CYP2A7: variants seen among roughly 807,000 people sequenced by gnomAD.
CYP2A7 encodes the protein cytochrome P450 2A7.
In CYP2A7, 36 loss-of-function variants were observed where a neutral mutation model predicts 42.0. The observed-to-expected ratio is 0.86, with a 90% confidence interval of 0.66 to 1.13. The LOEUF is 1.13. Among genes scored for constraint, CYP2A7 ranks in the 50% most tolerant of loss-of-function variants. The pLI, the probability that CYP2A7 is intolerant of heterozygous loss-of-function variation, is 0.00. For synonymous variants in CYP2A7, 260 were observed against 249.5 expected, an observed-to-expected ratio of 1.04 and a Z score of -0.40; for missense variants, 661 against 634.1, an observed-to-expected ratio of 1.04 and a Z score of -0.46.
Position 40,878,846 on chromosome 19 carries a change from C to T in CYP2A7, c.745G>A (p.Ala249Thr), listed in dbSNP as rs768781283. 1.2e-6 allele frequency: 2 copies of T among 1,611,978 alleles called. No individual in the cohort carries two copies. The highest frequency in any genetic ancestry group is 1.1e-5 in the South Asian group (1 of 90,982). ...KLLQGLEDFI[A>T]KKVEHNQRTL... ...CGCTGGTTGTGCTCCACCTTCTTGG[C>T]TATGAAGTCCTCCAGCCCTTGCAGC... is the stretch of plus-strand genomic sequence containing the variant. The change falls in exon 5 of 9, where the codon GCC (alanine) becomes ACC (threonine). Residue 249 changes from alanine to threonine, a missense_variant. Around this residue, in one of 3 missense-constraint regions of CYP2A7, gnomAD observed 614 missense variants for 552.4 expected, o/e 1.11. Coordinates refer to ENST00000301146, the MANE Select transcript of CYP2A7 (RefSeq NM_000764.3).
At chr19:40,878,286 G>A (rs1411779629) in intron 5 of CYP2A7, among the ~76,000 whole-genome samples, 1 of 151,628 alleles carries the variant, frequency 6.6e-6, no homozygotes, top group Non-Finnish European at 1.5e-5. Flanking sequence ...GCACAGGCTG[G>A]ACTCGAACTC....
In CYP2A7 at chr19:40,875,510, G is replaced by C. The variant is rs1061609; in HGVS notation, c.*183C>G. 0.51 allele frequency: 348,673 copies of C among 684,520 alleles called. 64,657 individuals are homozygous for C. The highest frequency in any genetic ancestry group is 0.74 in the African/African-American group (40,703 of 54,882). 42.4% of individuals were successfully genotyped at this position (684,520 alleles called of 1,614,324 possible). On this transcript the variant is annotated 3_prime_UTR_variant, in exon 9 of 9. Transcript: ENST00000301146. ...TAAGGTTTCCCTTCCTCTCATCCCA[G>C]CTCGGAAGCACCTTATCAAGGTGAA...
Position 40,879,697 on chromosome 19 carries a change from G to C in CYP2A7, c.654+387C>G, listed in dbSNP as rs1413570185. 2.0e-5 allele frequency among the ~76,000 whole-genome samples: 3 copies of C among 151,268 alleles called. 1 individual carries two copies. Among genetic ancestry groups the C allele is most frequent in the Non-Finnish European group, 3.0e-5 (2 of 67,698 alleles). Reference sequence around the variant, plus strand: ...GATGTGAAATGATTATGATGGGCTGGATTTTGCAGCACCAGGTGTTCAGGC... The same window carrying C: ...GATGTGAAATGATTATGATGGGCTGCATTTTGCAGCACCAGGTGTTCAGGC... On this transcript the variant is annotated intron_variant, in intron 4 of 8. Coordinates refer to ENST00000301146, the MANE Select transcript of CYP2A7 (RefSeq NM_000764.3).
chr19:40,880,758 G>C lies in CYP2A7; in HGVS notation c.344-130C>G. The C allele has an allele frequency of 5.4e-6, 3 of 552,756 alleles. 1 individual carries two copies. Among genetic ancestry groups the C allele is most frequent in the Non-Finnish European group, 8.2e-6 (3 of 366,464 alleles). The allele number at this position is 552,756 out of a possible 1,614,324, so 34.2% of individuals were successfully genotyped here. ...TGGGAGAGAGATGGATTCAGTGCCA[G>C]TGCCCAGGACAGGTGCAAACTCAGT... On this transcript the variant is annotated intron_variant, in intron 2 of 8. Transcript: ENST00000301146.
rs770303621 is a variant in CYP2A7 at position 40,877,840 on chromosome 19, C to G, written c.973+12G>C. On this transcript the variant is annotated intron_variant, in intron 6 of 8. Transcript: ENST00000301146. ...TCTGGGGCCCTCCACTTCCGTCCCC[C>G]TCCAGCCTTACCCTCCACCTCTGGG... 20 of 1,598,284 alleles carry G rather than the reference C, an allele frequency of 1.3e-5. 1 individual carries two copies. Among genetic ancestry groups the G allele is most frequent in the Admixed American group, 1.8e-5 (1 of 55,348 alleles).
At chr19:40,879,636 A>G (rs1374234655) in intron 4 of CYP2A7, among the ~76,000 whole-genome samples, 1 of 151,542 alleles carries the variant, frequency 6.6e-6, no homozygotes, top group Non-Finnish European at 1.5e-5. Context: ...GCGCTTGGCC[A>G]GATATTCCAG....
intron 6 of CYP2A7, among the ~76,000 whole-genome samples, 155 bp downstream of exon 6, chr19:40,877,697 C>T (rs1449366066): frequency 2.0e-5 from 3 of 151,614 alleles, no homozygotes; most frequent in Non-Finnish European, 4.4e-5. Context: ...GCTAATGAGA[C>T]TCAGCTGATG....
intron 2 of CYP2A7, 147 bp downstream of exon 2, chr19:40,881,442 G>C: frequency 2.2e-6 from 3 of 1,364,584 alleles, no homozygotes; most frequent in Non-Finnish European, 3.0e-6. Flanking sequence ...CACATGGAGA[G>C]GCCACAGTGA....
intron 2 of CYP2A7, 22 bp from the exon 3 acceptor site, chr19:40,880,650 T>G (rs1599794484): frequency 3.2e-6 from 5 of 1,584,870 alleles, no homozygotes; most frequent in African/African-American, 1.4e-5. Context: ...AAGGCGGGGG[T>G]GGAGAGAGGT....
intron 8 of CYP2A7, 99 bp from the exon 9 acceptor site, chr19:40,875,973 G>T (rs1395152001): frequency 2.0e-6 from 3 of 1,482,270 alleles, no homozygotes; most frequent in Non-Finnish European, 2.7e-6. Context: ...GGGAGGAGGG[G>T]TGGAATATTA....
intron 7 of CYP2A7, 108 bp from the exon 8 acceptor site, chr19:40,876,776 G>A (rs1045990808): frequency 1.4e-6 from 2 of 1,429,474 alleles, no homozygotes; most frequent in African/African-American, 1.4e-5. Flanking sequence ...GGAAGTGGCA[G>A]GCATGGAGGA....
At position 40,882,141 on chromosome 19, in the gene CYP2A7, A is replaced by G. The variant is rs1967711843; in HGVS notation, c.70T>C (p.Trp24Arg). Residue 24 changes from tryptophan (W) to arginine (R), a missense_variant, in exon 1 of 9, where the codon TGG becomes CGG. Trp to Arg is a moderately radical substitution (Grantham distance 101). Coordinates refer to ENST00000301146, the MANE Select transcript of CYP2A7 (RefSeq NM_000764.3). Reference protein sequence around the residue: ...CLTVMVLMSVWQQRKSRGKLP... With the variant: ...CLTVMVLMSVRQQRKSRGKLP... ...TTCCCCCTGCTCTTCCTCTGCTGCC[A>G]GACAGACATCAAGACCATCACAGTC... The G allele has an allele frequency of 1.2e-6, 2 of 1,613,856 alleles. No homozygotes were observed. Among genetic ancestry groups the G allele is most frequent in the Non-Finnish European group, 8.5e-7 (1 of 1,179,900 alleles).
chr19:40,876,885 T>A lies in CYP2A7; in HGVS notation c.1162-217A>T, dbSNP rs544724512. 2.3e-4 allele frequency: 166 copies of A among 715,058 alleles called. 4 individuals are homozygous for A. The East Asian group carries it at 4.5e-3, about 20-fold the overall frequency. 44.3% of individuals were successfully genotyped at this position (715,058 alleles called of 1,614,324 possible). On this transcript the variant is annotated intron_variant, in intron 7 of 8. Coordinates refer to ENST00000301146, the MANE Select transcript of CYP2A7 (RefSeq NM_000764.3). ...TGGGGTCCATGTCTTGCTACGCAGG[T>A]TGTTTGGGGGACCTGAAATTTGTGT... is the stretch of plus-strand genomic sequence containing the variant.
chr19:40,881,011 G>A (rs112901435), intron 2 of CYP2A7, among the ~76,000 whole-genome samples: 28 of 150,506 alleles, frequency 1.9e-4, no homozygotes, highest in Non-Finnish European at 3.4e-4. Flanking sequence ...ATGGAGGGAG[G>A]GGAAGTGAGA....
chr19:40,881,145 A>G (rs1253571612), intron 2 of CYP2A7, among the ~76,000 whole-genome samples: 1 of 151,672 alleles, frequency 6.6e-6, no homozygotes, highest in Non-Finnish European at 1.5e-5. Context: ...TGTTACCAGG[A>G]GATGGAGGCT....
Position 40,880,495 on chromosome 19 carries a change from G to C in CYP2A7, c.477C>G (p.Ala159=). 6.2e-7 allele frequency: 1 copy of C among 1,612,602 alleles called. No individual in the cohort carries two copies. The highest frequency in any genetic ancestry group is 8.5e-7 in the Non-Finnish European group (1 of 1,179,030). The change falls in exon 3 of 9, where the codon GCC becomes GCG. Residue 159 remains alanine, a synonymous_variant. Transcript: ENST00000301146. ...IQEESGFLIE[A]IRSTHGANID... The stretch of plus-strand genomic sequence containing the variant: ...CTTACTCACCGTGCGTGCTCCGGAT[G>C]GCCTCGATGAGGAAGCCCGACTCCT...
rs1423206432 is a variant in CYP2A7, at chr19:40,876,538, G to T, written c.1292C>A (p.Pro431His). 1 of 1,612,946 alleles carries T rather than the reference G, an allele frequency of 6.2e-7. No homozygotes were observed. The highest frequency in any genetic ancestry group is 1.7e-5 in the Admixed American group (1 of 59,930). Residue 431 changes from proline (P) to histidine (H), a missense_variant, in exon 8 of 9, where the codon CCC (proline) becomes CAC (histidine). Pro to His is a moderately conservative substitution (Grantham distance 77). Coordinates refer to ENST00000301146, the MANE Select transcript of CYP2A7 (RefSeq NM_000764.3). ...CAGTGGTCTCTTACCGATGGAAAAG[G>T]GCACAAAAGCATCACTCTTCTTAAA... is the stretch of plus-strand genomic sequence containing the variant. ...GQFKKSDAFV[P>H]FSIGKRNCFG...
At position 40,875,701 on chromosome 19, in the gene CYP2A7, G is replaced by T. The variant is rs771003593; in HGVS notation, c.1477C>A (p.Pro493Thr). 6.2e-7 allele frequency: 1 copy of T among 1,610,194 alleles called. No individual in the cohort carries two copies. The highest frequency in any genetic ancestry group is 1.3e-5 in the African/African-American group (1 of 74,710). Residue 493 changes from proline to threonine, a missense_variant, in exon 9 of 9, where the codon CCC becomes ACC. By Grantham distance (38) the Pro-to-Thr change is conservative (BLOSUM62 -1). This residue lies in a region of CYP2A7 where 22 missense variants were observed against 19.3 expected (regional missense o/e 1.14). Transcript: ENST00000301146. ...ACCGGCACAGCCCTCGCTCAGCGGG[G>T]CAGGAAGCTCATGGTGTAGTTTCGT... is the stretch of plus-strand genomic sequence containing the variant. ...IPRNYTMSFLPR is the reference protein window; with the variant it reads ...IPRNYTMSFLTR
Position 40,880,091 on chromosome 19 carries a change from G to C in CYP2A7, c.647C>G (p.Thr216Arg), listed in dbSNP as rs761249929. The C allele has an allele frequency of 1.1e-5, 18 of 1,612,698 alleles. No individual in the cohort carries two copies. The East Asian group carries it at 4.0e-4, about 36-fold the overall frequency. Residue 216 changes from threonine to arginine, a missense_variant, in exon 4 of 9, where the codon ACG (threonine) becomes AGG (arginine). This residue lies in a region of CYP2A7 where 614 missense variants were observed against 552.4 expected (regional missense o/e 1.11). Transcript: ENST00000301146. The stretch of plus-strand genomic sequence containing the variant: ...CGGGCTGCAGCCAGTTACCTGCCCC[G>C]TGGAGGTTGACGTGAACTGGAAGAT... ...LGIFQFTSTSTGQLYEMFSSV... is the reference protein window; with the variant it reads ...LGIFQFTSTSRGQLYEMFSSV...
Sources: gnomAD v4.1 joint callset for allele counts (sites outside exome capture counted in the v4.1 genomes callset) on GRCh38, gnomAD v4.1.1 for gene constraint, gnomAD v4.1.1 regional missense constraint, MANE v1.5 for transcripts, NCBI Gene and HGNC (gene_info 2026-07-23, HGNC 2026-07-21) for gene names.